Variants in PRH1 observed in about 807,000 individuals in gnomAD.
PRH1 encodes salivary acidic proline-rich phosphoprotein 1/2.
Under a neutral mutation model 7.9 loss-of-function variants are expected in PRH1, and 7 were observed. That is an observed-to-expected ratio of 0.89 (90% CI 0.50 to 1.67). PRH1 has a LOEUF of 1.67. Ranked by LOEUF, PRH1 falls within the 40% of genes most tolerant of loss-of-function variation. The pLI is 0.00. For synonymous variants in PRH1, 45 were observed against 80.8 expected (o/e 0.56, Z 2.38); for missense variants, 109 against 223.6 (o/e 0.49, Z 3.27).
intron 1 of PRH1, among the ~76,000 whole-genome samples, chr12:11,110,024 C>A (rs1030466549): frequency 6.6e-6 from 1 of 151,878 alleles, no homozygotes; most frequent in African/African-American, 2.4e-5. Context: ...GTGAAGCATA[C>A]ACAAATATCA....
chr12:11,138,976 G>T (rs373260875), intron 1 of PRH1, among the ~76,000 whole-genome samples: 1 of 152,132 alleles, frequency 6.6e-6, no homozygotes, highest in Non-Finnish European at 1.5e-5. Flanking sequence ...GGTGGCAGAG[G>T]TTGCATTGAG....
chr12:10,894,542 T>C (rs930672171), intron 2 of PRH1, among the ~76,000 whole-genome samples: 1 of 152,154 alleles, frequency 6.6e-6, no homozygotes, highest in Admixed American at 6.5e-5. Context: ...AGGAACTAAA[T>C]CCCTATGTGT....
intron 1 of PRH1, among the ~76,000 whole-genome samples, chr12:10,989,822 T>A (rs1012624798): frequency 6.6e-6 from 1 of 152,236 alleles, no homozygotes; most frequent in East Asian, 1.9e-4. Context: ...GAATTCTAGC[T>A]TCAATTTTGT....
intron 2 of PRH1, among the ~76,000 whole-genome samples, chr12:10,919,907 CT>C (rs34966041): frequency 1.0e-3 from 148 of 145,444 alleles, no homozygotes; most frequent in East Asian, 3.0e-3. Flanking sequence ...TTTTTTTAAT[CT>C]TTTTTTTTTT....
At chr12:11,057,111 A>C (rs980410115) in intron 1 of PRH1, among the ~76,000 whole-genome samples, 2 of 152,062 alleles carry the variant, frequency 1.3e-5, no homozygotes, top group African/African-American at 4.8e-5. Flanking sequence ...GGCTCAAGCA[A>C]TCCTCCTGCC....
intron 2 of PRH1, among the ~76,000 whole-genome samples, chr12:10,972,532 T>C (rs1938866153): frequency 6.6e-6 from 1 of 152,204 alleles, no homozygotes; most frequent in African/African-American, 2.4e-5. Context: ...TTTTTCATAA[T>C]GACGTTGAAG....
intron 1 of PRH1, among the ~76,000 whole-genome samples, chr12:11,010,832 C>T (rs975622451): frequency 6.6e-6 from 1 of 151,736 alleles, no homozygotes; most frequent in African/African-American, 2.4e-5. Flanking sequence ...ATTTCATGCA[C>T]ATTTATTAAG....
chr12:10,903,843 A>T (rs1949758461), intron 2 of PRH1, among the ~76,000 whole-genome samples: 1 of 151,228 alleles, frequency 6.6e-6, no homozygotes, highest in Admixed American at 6.6e-5. Context: ...GATACAAATC[A>T]ATTCACAAAA....
chr12:10,951,181 A>G (rs1403810022), intron 2 of PRH1, among the ~76,000 whole-genome samples: 1 of 152,200 alleles, frequency 6.6e-6, no homozygotes, highest in Non-Finnish European at 1.5e-5. Flanking sequence ...ATTTGGAAGT[A>G]AAAGCTGATT....
At position 11,065,462 on chromosome 12, in the gene PRH1, T is replaced by A. The variant is rs1471871008; in HGVS notation, n.124-18274A>T. Reference sequence around the variant, plus strand: ...AGTTGTTCTGATTGTAGCTTCAATGTCTCTGACCCTCTAGCCTTATATTTT... The same window carrying A: ...AGTTGTTCTGATTGTAGCTTCAATGACTCTGACCCTCTAGCCTTATATTTT... On this transcript the variant is annotated intron_variant and non_coding_transcript_variant, in intron 1 of 4. Coordinates refer to the PRH1 transcript ENST00000541977. Among the ~76,000 whole-genome samples, 3 of 85,546 alleles carry A rather than the reference T, an allele frequency of 3.5e-5. No homozygotes were observed. In the East Asian group the frequency reaches 4.4e-3, roughly 125 times the overall value. The allele number at this position is 85,546 out of a possible 152,430, so 56.1% of individuals were successfully genotyped here. A position where few individuals can be genotyped will look rare whatever the true frequency, so the allele number is the denominator to read the frequency against.
intron 2 of PRH1, among the ~76,000 whole-genome samples, chr12:10,918,503 C>A (rs1282443052): frequency 6.6e-6 from 1 of 152,092 alleles, no homozygotes; most frequent in African/African-American, 2.4e-5. Flanking sequence ...GTGGTGAAAT[C>A]TCCAATTATT....
At chr12:11,069,089 C>T (rs372704220) in intron 1 of PRH1, among the ~76,000 whole-genome samples, 53,044 of 111,556 alleles carry the variant, frequency 0.48, 11,441 homozygotes, top group Non-Finnish European at 0.56. Context: ...AGCTAATTGT[C>T]ATATTTTTGC....
At chr12:11,118,167 T>C (rs1945784713), downstream of PRH1, among the ~76,000 whole-genome samples, 1 of 152,184 alleles carries the variant, frequency 6.6e-6, no homozygotes, top group Non-Finnish European at 1.5e-5. Flanking sequence ...AAACTACTCA[T>C]CTGGCAAGGG....
At chr12:11,144,677 C>A (rs952918107) in intron 1 of PRH1, among the ~76,000 whole-genome samples, 1 of 152,194 alleles carries the variant, frequency 6.6e-6, no homozygotes, top group Non-Finnish European at 1.5e-5. Flanking sequence ...GGGGGTTTTA[C>A]CCCCTGCTCC....
At chr12:11,116,714 G>T (rs540905951), downstream of PRH1, among the ~76,000 whole-genome samples, 2 of 151,948 alleles carry the variant, frequency 1.3e-5, no homozygotes, top group Non-Finnish European at 2.9e-5. Flanking sequence ...ACATTAAAAA[G>T]ATATTTCCTC....
chr12:10,921,595 G>A (rs1950046179), intron 2 of PRH1, among the ~76,000 whole-genome samples: 2 of 151,978 alleles, frequency 1.3e-5, no homozygotes, highest in Admixed American at 6.6e-5. Flanking sequence ...TACTACCATT[G>A]TCTATTATAT....
chr12:11,135,177 A>C (rs1279279344), intron 1 of PRH1, among the ~76,000 whole-genome samples: 1 of 152,136 alleles, frequency 6.6e-6, no homozygotes, highest in Non-Finnish European at 1.5e-5. Flanking sequence ...TGAGTACCAG[A>C]CCCTTTGATA....
chr12:11,109,870 C>A (rs1945536631), intron 1 of PRH1, among the ~76,000 whole-genome samples: 1 of 151,958 alleles, frequency 6.6e-6, no homozygotes, highest in Admixed American at 6.6e-5. Context: ...ATAAACTCAA[C>A]TGAGATAAAG....
intron 1 of PRH1, among the ~76,000 whole-genome samples, chr12:11,032,986 G>A (rs1451779373): frequency 1.3e-5 from 2 of 152,080 alleles, no homozygotes; most frequent in Non-Finnish European, 2.9e-5. Flanking sequence ...AGAAACTAAT[G>A]ACGTGAGATT....
Sources: gnomAD v4.1 joint callset for allele counts (sites outside exome capture counted in the v4.1 genomes callset) on GRCh38, gnomAD v4.1.1 for gene constraint, MANE v1.5 for transcripts, NCBI Gene and HGNC (gene_info 2026-07-23, HGNC 2026-07-21) for gene names.